The following CDH13 variants were observed in gnomAD, a reference collection of about 807,000 sequenced individuals.
The protein encoded by CDH13 is cadherin-13.
A neutral mutation model predicts 63.8 loss-of-function variants in CDH13; 24 were observed. The observed-to-expected ratio is 0.38, with a 90% CI of 0.27 to 0.53. The LOEUF is 0.53. CDH13 is among the 20% of genes least tolerant of loss of function. The pLI is 0.85. For missense variants in CDH13, 1,049 were observed against 903.1 expected (o/e 1.16, Z -2.07); for synonymous variants, 503 against 355.3 (o/e 1.42, Z -4.67).
intron 3 of CDH13, among the ~76,000 whole-genome samples, chr16:83,073,362 A>T (rs4991479): frequency 0.073 from 8,993 of 123,378 alleles, 853 homozygotes; most frequent in African/African-American, 0.22. Flanking sequence ...TGTGAGAGAG[A>T]GAGAGAGAGA....
chr16:82,682,846 G>C (rs1458704321), intron 1 of CDH13, among the ~76,000 whole-genome samples: 2 of 152,164 alleles, frequency 1.3e-5, no homozygotes, highest in Non-Finnish European at 2.9e-5. Flanking sequence ...CTGAGGACTG[G>C]TGCTTCCCCT....
intron 2 of CDH13, among the ~76,000 whole-genome samples, chr16:82,899,840 C>T (rs1269320688): frequency 1.3e-5 from 2 of 152,180 alleles, no homozygotes; most frequent in Non-Finnish European, 2.9e-5. Context: ...AAGTAGAGTT[C>T]TCTTTGCTGT....
intron 5 of CDH13, among the ~76,000 whole-genome samples, chr16:83,289,220 A>G (rs1039250435): frequency 2.0e-5 from 3 of 152,242 alleles, no homozygotes; most frequent in Non-Finnish European, 4.4e-5. Flanking sequence ...GGAAATGAAC[A>G]GTACATAACC....
intron 6 of CDH13, among the ~76,000 whole-genome samples, chr16:83,394,638 C>G (rs1335095277): frequency 5.9e-5 from 9 of 152,174 alleles, no homozygotes; most frequent in Admixed American, 5.9e-4. Context: ...CATGACCTGA[C>G]TTGCATTTTA....
At chr16:83,383,889 C>G (rs1186638548) in intron 6 of CDH13, among the ~76,000 whole-genome samples, 1 of 152,140 alleles carries the variant, frequency 6.6e-6, no homozygotes, top group Admixed American at 6.5e-5. Flanking sequence ...GTTGTGGCTG[C>G]TGGAGTGTCA....
At chr16:83,574,230 G>A (rs903864920) in intron 7 of CDH13, among the ~76,000 whole-genome samples, 2 of 152,126 alleles carry the variant, frequency 1.3e-5, no homozygotes, top group Admixed American at 6.5e-5. Context: ...ATTATTTTTT[G>A]TCTCAGTGTA....
intron 5 of CDH13, among the ~76,000 whole-genome samples, chr16:83,317,628 C>A (rs982397901): frequency 6.6e-6 from 1 of 151,990 alleles, no homozygotes; most frequent in Admixed American, 6.6e-5. Flanking sequence ...TGGTGAAACC[C>A]CATCTCTGCT....
At position 83,345,033 on chromosome 16, in the gene CDH13, G is replaced by A. The variant is rs116368606; in HGVS notation, c.781+27G>A. Reference sequence around the variant, plus strand: ...TATGTCACATTGGCTTACCTTTAGCGTAATGGCTTGGAAAGAGGCACACTT... The same window carrying A: ...TATGTCACATTGGCTTACCTTTAGCATAATGGCTTGGAAAGAGGCACACTT... On this transcript the variant is annotated intron_variant, in intron 6 of 13. Coordinates refer to ENST00000567109, the MANE Select transcript of CDH13 (RefSeq NM_001257.5). The A allele has an allele frequency of 6.8e-4, 1,096 of 1,609,502 alleles. 7 individuals carry two copies. The African/African-American group carries it at 0.012, about 18-fold the overall frequency.
intron 6 of CDH13, among the ~76,000 whole-genome samples, chr16:83,474,988 C>T (rs1450094326): frequency 6.6e-6 from 1 of 152,248 alleles, no homozygotes; most frequent in Non-Finnish European, 1.5e-5. Flanking sequence ...GCACTGAGGC[C>T]GAGACACTGA....
rs1174815360 is a variant in CDH13 at position 83,301,021 on chromosome 16, TG to T, written c.637-43837del. On this transcript the variant is annotated intron_variant, in intron 5 of 13. Coordinates refer to ENST00000567109, the MANE Select transcript of CDH13 (RefSeq NM_001257.5). ...TGTTGAACTGATACATATAACTTTC[TG>T]GGGTTTTTTTTTTTTTTTTTTTTTT... is the stretch of plus-strand genomic sequence containing the variant. Among the ~76,000 whole-genome samples the T allele has an allele frequency of 1.6e-3, 177 of 111,844 alleles. 3 individuals carry two copies. The highest frequency in any genetic ancestry group is 5.3e-3 in the African/African-American group (161 of 30,186). 73.4% of individuals were successfully genotyped at this position (111,844 alleles called of 152,430 possible). A position where few individuals can be genotyped will look rare whatever the true frequency, so the allele number is the denominator to read the frequency against.
chr16:82,700,568 A>T (rs2030861755), intron 1 of CDH13, among the ~76,000 whole-genome samples: 1 of 151,246 alleles, frequency 6.6e-6, no homozygotes, highest in Non-Finnish European at 1.5e-5. Context: ...TCTATGTGTA[A>T]ATGTCCATCC....
chr16:83,233,808 A>T (rs1030188948), intron 5 of CDH13, among the ~76,000 whole-genome samples: 3 of 152,064 alleles, frequency 2.0e-5, no homozygotes, highest in Admixed American at 6.6e-5. Flanking sequence ...AATCTTCTTT[A>T]CCATGTAACC....
intron 1 of CDH13, among the ~76,000 whole-genome samples, chr16:82,630,678 T>G (rs1468176070): frequency 6.6e-6 from 1 of 152,254 alleles, no homozygotes; most frequent in East Asian, 1.9e-4. Flanking sequence ...GCTAGGTTCT[T>G]GAAAACATCC....
At chr16:82,643,184 C>A (rs1909630731) in intron 1 of CDH13, among the ~76,000 whole-genome samples, 1 of 152,176 alleles carries the variant, frequency 6.6e-6, no homozygotes. Context: ...AATCATATAT[C>A]TTAACCGGCT....
At chr16:83,610,812 A>T (rs956021273) in intron 8 of CDH13, among the ~76,000 whole-genome samples, 2 of 152,202 alleles carry the variant, frequency 1.3e-5, no homozygotes, top group Admixed American at 6.5e-5. Flanking sequence ...TTTGAAGCTT[A>T]TATGTGTTTC....
chr16:82,746,213 T>G (rs1013375793), intron 1 of CDH13, among the ~76,000 whole-genome samples: 1 of 88,102 alleles, frequency 1.1e-5, no homozygotes, highest in Admixed American at 1.5e-4. Flanking sequence ...ATAAACACAC[T>G]GTTTATATAT....
Position 83,273,451 on chromosome 16 carries a change from C to T in CDH13, c.636+55954C>T, listed in dbSNP as rs116794721. Among the ~76,000 whole-genome samples, 1,074 of 152,102 alleles carry T rather than the reference C, an allele frequency of 7.1e-3. 8 individuals carry two copies. The highest frequency in any genetic ancestry group is 0.024 in the African/African-American group (999 of 41,492). Reference sequence around the variant, plus strand: ...TCCCACTTATAAGTGAGAACAAGGGCATTTGCTTTTTTCTTCCTGCAAGTT... The same window carrying T: ...TCCCACTTATAAGTGAGAACAAGGGTATTTGCTTTTTTCTTCCTGCAAGTT... On this transcript the variant is annotated intron_variant, in intron 5 of 13. Transcript: ENST00000567109.
At chr16:83,471,514 T>C (rs1334638299) in intron 6 of CDH13, among the ~76,000 whole-genome samples, 2 of 152,286 alleles carry the variant, frequency 1.3e-5, no homozygotes, top group African/African-American at 2.4e-5. Context: ...GACCTCGTGA[T>C]CCACCCGCCT....
At chr16:83,777,394 G>A (rs1339158352) in intron 11 of CDH13, among the ~76,000 whole-genome samples, 2 of 152,192 alleles carry the variant, frequency 1.3e-5, no homozygotes, top group Admixed American at 6.5e-5. Context: ...AGCCACATGG[G>A]GAGGGTATGA....
Sources: gnomAD v4.1 joint callset for allele counts (sites outside exome capture counted in the v4.1 genomes callset) on GRCh38, gnomAD v4.1.1 for gene constraint, MANE v1.5 for transcripts, NCBI Gene and HGNC (gene_info 2026-07-23, HGNC 2026-07-21) for gene names.